Variants in GATAD2A observed in about 807,000 individuals in gnomAD.
The protein encoded by GATAD2A is GATA zinc finger domain containing 2A.
GATAD2A carries 12 observed loss-of-function variants against 68.5 expected under a neutral mutation model. That is an observed-to-expected ratio of 0.18 (90% CI 0.11 to 0.28). The LOEUF is 0.28. Among genes scored for constraint, GATAD2A ranks in the 10% least tolerant of loss-of-function variants. GATAD2A has a pLI of 1.00. For missense variants in GATAD2A, 755 were observed against 868.5 expected, an observed-to-expected ratio of 0.87 and a Z score of 1.64; for synonymous variants, 410 against 375.3, an observed-to-expected ratio of 1.09 and a Z score of -1.07.
chr19:19,463,507 A>G (rs1245600690), intron 1 of GATAD2A, among the ~76,000 whole-genome samples: 1 of 145,340 alleles, frequency 6.9e-6, no homozygotes, highest in Non-Finnish European at 1.5e-5. Context: ...GCTGAGCAGG[A>G]GCGGGGGCGG....
chr19:19,469,816 A>ACG (rs1267293692), intron 2 of GATAD2A, among the ~76,000 whole-genome samples: 7 of 151,476 alleles, frequency 4.6e-5, no homozygotes, highest in Admixed American at 4.6e-4. Context: ...GCGTGGTGGC[A>ACG]CGCACCTATA....
chr19:19,449,572 A>G (rs543833032), intron 1 of GATAD2A, among the ~76,000 whole-genome samples: 2 of 145,772 alleles, frequency 1.4e-5, no homozygotes, highest in South Asian at 2.2e-4. Context: ...TTTGCTCTCC[A>G]GGTTTACTTT....
At chr19:19,469,783 C>A (rs1432006119) in intron 2 of GATAD2A, among the ~76,000 whole-genome samples, 3 of 151,980 alleles carry the variant, frequency 2.0e-5, no homozygotes, top group Non-Finnish European at 4.4e-5. Context: ...CCCGTCTCTA[C>A]TAAAAATACA....
intron 1 of GATAD2A, among the ~76,000 whole-genome samples, chr19:19,454,171 AT>A (rs2056694052): frequency 6.8e-6 from 1 of 146,272 alleles, no homozygotes; most frequent in Non-Finnish European, 1.5e-5. Flanking sequence ...CTAACTTTGT[AT>A]TTTTAGTAGA....
chr19:19,406,081 C>A (rs1445629396), intron 1 of GATAD2A, 62 bp downstream of exon 1: 1 of 151,764 alleles, frequency 6.6e-6, no homozygotes, highest in Non-Finnish European at 1.5e-5. Flanking sequence ...GAGACTGGAG[C>A]GGCGCGGGCC....
intron 10 of GATAD2A, 74 bp from the exon 11 acceptor site, chr19:19,502,257 G>C: frequency 1.7e-6 from 2 of 1,211,336 alleles, no homozygotes; most frequent in Non-Finnish European, 1.2e-6. Context: ...AGAGCAAGGA[G>C]AGGCTGCGCT....
At chr19:19,485,239 A>T (rs1304877338) in intron 2 of GATAD2A, among the ~76,000 whole-genome samples, 2 of 152,204 alleles carry the variant, frequency 1.3e-5, no homozygotes, top group Non-Finnish European at 2.9e-5. Context: ...GATATGGGTT[A>T]GCTCCCCAGG....
chr19:19,412,727 T>G (rs770808302), intron 1 of GATAD2A, among the ~76,000 whole-genome samples: 19 of 152,110 alleles, frequency 1.2e-4, no homozygotes, highest in Admixed American at 2.6e-4. Context: ...TAACATTTTC[T>G]CCAGTCACAG....
At chr19:19,432,175 A>C (rs1426268084) in intron 1 of GATAD2A, among the ~76,000 whole-genome samples, 1 of 152,032 alleles carries the variant, frequency 6.6e-6, no homozygotes, top group African/African-American at 2.4e-5. Context: ...GGGTTTCTTC[A>C]TGGTGTCCAG....
At chr19:19,447,962 A>G (rs1313462281) in intron 1 of GATAD2A, among the ~76,000 whole-genome samples, 1 of 152,360 alleles carries the variant, frequency 6.6e-6, no homozygotes, top group East Asian at 1.9e-4. Flanking sequence ...GGTCAGGGCC[A>G]CAGCTTCGCC....
At chr19:19,386,520 G>T (rs1217259532) in intron 1 of GATAD2A, among the ~76,000 whole-genome samples, 1 of 151,304 alleles carries the variant, frequency 6.6e-6, no homozygotes, top group East Asian at 1.9e-4. Context: ...GGGGACCCTT[G>T]CCTCTCTAGG....
intron 1 of GATAD2A, among the ~76,000 whole-genome samples, chr19:19,439,202 A>T (rs531516038): frequency 1.3e-5 from 2 of 152,248 alleles, no homozygotes; most frequent in Non-Finnish European, 2.9e-5. Flanking sequence ...GCACAGGGGC[A>T]GTCTTGCCTG....
chr19:19,400,170 C>T (rs991551595), intron 1 of GATAD2A, among the ~76,000 whole-genome samples: 22 of 152,132 alleles, frequency 1.4e-4, no homozygotes, highest in African/African-American at 5.3e-4. Flanking sequence ...GGGAGATACA[C>T]TTCCGGTTCA....
Position 19,438,710 on chromosome 19 carries a change from A to T in GATAD2A, c.-6-26630A>T, listed in dbSNP as rs1333806018. 2.6e-5 allele frequency among the ~76,000 whole-genome samples: 4 copies of T among 152,198 alleles called. No individual in the cohort carries two copies. The East Asian group carries it at 7.7e-4, about 29-fold the overall frequency. On this transcript the variant is annotated intron_variant, in intron 1 of 11. Transcript: ENST00000683918. The stretch of plus-strand genomic sequence containing the variant: ...TCAGGCAGTCAGTTTGGGAGTTCAG[A>T]AGGGAATTTCCAGAGGCCACCCCAG...
chr19:19,406,214 T>C (rs1480267913), intron 1 of GATAD2A, among the ~76,000 whole-genome samples, 195 bp downstream of exon 1: 2 of 148,524 alleles, frequency 1.3e-5, no homozygotes, highest in Non-Finnish European at 3.0e-5. Context: ...GGAAAGTTCC[T>C]TGCCCCGAGG....
rs192106268 is a variant in GATAD2A at position 19,434,369 on chromosome 19, C to T, written c.-7+28350C>T. 7.9e-5 allele frequency among the ~76,000 whole-genome samples: 12 copies of T among 152,144 alleles called. No individual in the cohort carries two copies. In the East Asian group the frequency reaches 2.1e-3, roughly 27 times the overall value. Reference sequence around the variant, plus strand: ...TCAGCTTGAATGGGGCTAAAAAGAGCGGCAGAAAGGGTTCTTCCTGAGGAG... The same window carrying T: ...TCAGCTTGAATGGGGCTAAAAAGAGTGGCAGAAAGGGTTCTTCCTGAGGAG... On this transcript the variant is annotated intron_variant, in intron 1 of 11. Coordinates refer to ENST00000683918, the MANE Select transcript of GATAD2A (RefSeq NM_001384528.1).
Position 19,507,467 on chromosome 19 carries a change from G to A in GATAD2A, c.*1993G>A, listed in dbSNP as rs1054313. Reference sequence around the variant, plus strand: ...CCCAGCGAACCAACCTCAGTTCTATGCAGTGGCTGGGGATCAGGCATCCAG... The same window carrying A: ...CCCAGCGAACCAACCTCAGTTCTATACAGTGGCTGGGGATCAGGCATCCAG... On this transcript the variant is annotated 3_prime_UTR_variant, in exon 12 of 12. Transcript: ENST00000683918. 2.0e-5 allele frequency: 3 copies of A among 152,160 alleles called. No homozygotes were observed. The highest frequency in any genetic ancestry group is 4.4e-5 in the Non-Finnish European group (3 of 68,052). 9.4% of individuals were successfully genotyped at this position (152,160 alleles called of 1,614,324 possible).
At chr19:19,388,590 A>T (rs1453454648) in intron 1 of GATAD2A, among the ~76,000 whole-genome samples, 2 of 151,886 alleles carry the variant, frequency 1.3e-5, no homozygotes, top group Admixed American at 6.6e-5. Context: ...CTGCTACTAG[A>T]TGACCACCTT....
intron 1 of GATAD2A, among the ~76,000 whole-genome samples, chr19:19,386,748 C>G (rs1388182806): frequency 1.3e-5 from 2 of 152,190 alleles, no homozygotes; most frequent in Non-Finnish European, 2.9e-5. Context: ...AGGGGCTCCC[C>G]CGCCTCTCTG....
Sources: gnomAD v4.1 joint callset for allele counts (sites outside exome capture counted in the v4.1 genomes callset) on GRCh38, gnomAD v4.1.1 for gene constraint, MANE v1.5 for transcripts, NCBI Gene and HGNC (gene_info 2026-07-23, HGNC 2026-07-21) for gene names.